Variants in KIF17 observed in about 807,000 individuals in gnomAD.
KIF17 encodes kinesin family member 17, also known as kinesin-like protein KIF17.
A neutral mutation model predicts 96.8 loss-of-function variants in KIF17; 80 were observed. That is an observed-to-expected ratio of 0.83 (90% CI 0.69 to 1.00). The LOEUF is 1.00. Among genes scored for constraint, KIF17 ranks in the 50% least tolerant of loss-of-function variants. The pLI is 0.00. For missense variants in KIF17, 1,280 were observed against 1,372.9 expected (o/e 0.93, Z 1.07); for synonymous variants, 567 against 587.5 (o/e 0.97, Z 0.51).
chr1:20,688,040 G>T (rs1230048061), intron 7 of KIF17, 96 bp from the exon 8 acceptor site: 35 of 1,076,428 alleles, frequency 3.3e-5, no homozygotes, highest in African/African-American at 6.4e-5. Flanking sequence ...TGTTTTTTTT[G>T]TTTGTTTTTT....
At chr1:20,686,394 A>G (rs906488835) in intron 8 of KIF17, 1 of 548,212 alleles carries the variant, frequency 1.8e-6, no homozygotes, top group African/African-American at 1.9e-5. Context: ...AAGCAACCTC[A>G]TTTTACAGAT....
chr1:20,670,383 A>G, intron 13 of KIF17, 38 bp downstream of exon 13: 1 of 1,585,680 alleles, frequency 6.3e-7, no homozygotes, highest in Non-Finnish European at 8.6e-7. Context: ...AAGCCCTCCC[A>G]GCCCCCGACA....
In KIF17 at chr1:20,704,872, G is replaced by A. The variant is rs781470496; in HGVS notation, c.698C>T (p.Ala233Val). The change falls in exon 5 of 15, where the codon GCG becomes GTG. Residue 233 changes from alanine (A) to valine (V), a missense_variant. Ala to Val is a moderately conservative substitution (Grantham distance 64, BLOSUM62 0). Transcript: ENST00000400463. This position sits in a 1 kb window ranked among gnomAD's most constrained non-coding sequence, Gnocchi z 6.8. ...VDERGKDHLR[A>V]GKLNLVDLAG... ...CAGGTCCACCAGGTTCAGCTTGCCC[G>A]CCCGGAGGTGGTCCTTGCCCCGCTC... is the stretch of plus-strand genomic sequence containing the variant. The A allele has an allele frequency of 2.2e-5, 35 of 1,601,388 alleles. No homozygotes were observed. The highest frequency in any genetic ancestry group is 1.0e-4 in the Admixed American group (6 of 59,990).
At chr1:20,669,899 A>C (rs563732022) in intron 13 of KIF17, among the ~76,000 whole-genome samples, 1,573 of 141,874 alleles carry the variant, frequency 0.011, 16 homozygotes, top group African/African-American at 0.034. Context: ...AAAAAAAAAA[A>C]AAAAACAACC....
chr1:20,685,265 G>C lies in KIF17; in HGVS notation c.2020-245C>G. The C allele has an allele frequency of 1.5e-6, 1 of 672,732 alleles. No individual in the cohort carries two copies. Among genetic ancestry groups the C allele is most frequent in the South Asian group, 1.5e-5 (1 of 66,506 alleles). The allele number at this position is 672,732 out of a possible 1,614,324, so 41.7% of individuals were successfully genotyped here. On this transcript the variant is annotated intron_variant, in intron 9 of 14. Transcript: ENST00000400463. The surrounding 1 kb of genome is among the most constrained non-coding windows in gnomAD (Gnocchi z 4.1). ...TTCCTCTCTCACCTCCCACAATCCAGTCTCCACAGGCAGCCAGGGCCATCT... is the reference window on the plus strand; with the variant it reads ...TTCCTCTCTCACCTCCCACAATCCACTCTCCACAGGCAGCCAGGGCCATCT...
At chr1:20,671,677 C>T (rs1474610036) in intron 12 of KIF17, among the ~76,000 whole-genome samples, 2 of 152,188 alleles carry the variant, frequency 1.3e-5, no homozygotes, top group African/African-American at 4.8e-5. Context: ...AAGAAAGGTG[C>T]TGTTATTCAT....
In KIF17 at chr1:20,704,371, G is replaced by C; in HGVS notation, c.1123+76C>G. ...CCACTGTCTTTTAGGTGGGAAGTTG[G>C]AGGCGAGAAGACAGAGGGAAGGAAG... On this transcript the variant is annotated intron_variant, in intron 5 of 14. Coordinates refer to ENST00000400463, the MANE Select transcript of KIF17 (RefSeq NM_001122819.3). This position sits in a 1 kb window ranked among gnomAD's most constrained non-coding sequence, Gnocchi z 6.8. 2.5e-6 allele frequency: 3 copies of C among 1,207,442 alleles called. No homozygotes were observed. In the Admixed American group the frequency reaches 5.9e-5, roughly 24 times the overall value. 74.8% of individuals were successfully genotyped at this position (1,207,442 alleles called of 1,614,324 possible). A position where few individuals can be genotyped will look rare whatever the true frequency, so the allele number is the denominator to read the frequency against.
chr1:20,671,505 A>ATT (rs759071973), intron 12 of KIF17, among the ~76,000 whole-genome samples: 2 of 141,356 alleles, frequency 1.4e-5, no homozygotes, highest in Non-Finnish European at 1.6e-5. Flanking sequence ...TAATTTTTCT[A>ATT]TTTTTTTTTT....
Position 20,713,530 on chromosome 1 carries a change from A to C in KIF17, c.404T>G (p.Val135Gly). The change falls in exon 3 of 15, where the codon GTC (valine) becomes GGC (glycine). Residue 135 changes from valine to glycine, a missense_variant. Val to Gly is a moderately radical substitution (Grantham distance 109). Coordinates refer to ENST00000400463, the MANE Select transcript of KIF17 (RefSeq NM_001122819.3). ...GTAGATCTCCAGGTAGGAGGCCCGG[A>C]CCAGGAACTTAGTGTTCTCTGCACA... Reference protein sequence around the residue: ...VQCAENTKFLVRASYLEIYNE... With the variant: ...VQCAENTKFLGRASYLEIYNE... The C allele has an allele frequency of 6.2e-7, 1 of 1,611,784 alleles. No homozygotes were observed. The highest frequency in any genetic ancestry group is 8.5e-7 in the Non-Finnish European group (1 of 1,179,344).
chr1:20,698,310 A>G (rs2054177456), intron 6 of KIF17, 69 bp downstream of exon 6: 2 of 1,085,728 alleles, frequency 1.8e-6, no homozygotes, highest in East Asian at 4.7e-5. Flanking sequence ...CCCCAGCGGC[A>G]GCCCTGCCCT....
chr1:20,703,899 C>G (rs1233000215), intron 5 of KIF17, among the ~76,000 whole-genome samples: 1 of 151,550 alleles, frequency 6.6e-6, no homozygotes, highest in African/African-American at 2.4e-5. Context: ...CCACTGCCCT[C>G]CAGCCTGGGC....
In KIF17 at chr1:20,686,048, G is replaced by A; in HGVS notation, c.2017C>T (p.Pro673Ser). The change falls in exon 9 of 15, where the codon CCT becomes TCT. Residue 673 changes from proline (P) to serine (S), a missense_variant and splice_region_variant. Physicochemically the swap from Pro to Ser is moderately conservative, Grantham distance 74 (BLOSUM62 -1). Coordinates refer to ENST00000400463, the MANE Select transcript of KIF17 (RefSeq NM_001122819.3). ...TGGAGGCCCGGGGAGGTACTCACAG[G>A]CCTGGGCGGGAAGTCATCAGCCGCC... ...AEAADDFPPR[P>S]EVDLASEVAL... is the part of the protein sequence containing the mutation. 6.4e-7 allele frequency: 1 copy of A among 1,555,026 alleles called. No individual in the cohort carries two copies. The highest frequency in any genetic ancestry group is 8.7e-7 in the Non-Finnish European group (1 of 1,148,678).
In KIF17 at chr1:20,687,374, G is replaced by A. The variant is rs376321313; in HGVS notation, c.1938+14C>T. ...GCTCAGTGTTCACATGGCACCATGC[G>A]TGACATCAGCTACCTGCACAGGGAC... On this transcript the variant is annotated intron_variant, in intron 8 of 14. Coordinates refer to ENST00000400463, the MANE Select transcript of KIF17 (RefSeq NM_001122819.3). This position sits in a 1 kb window ranked among gnomAD's most constrained non-coding sequence, Gnocchi z 4.4. 114 of 1,612,364 alleles carry A rather than the reference G, an allele frequency of 7.1e-5. No individual in the cohort carries two copies. In the African/African-American group the frequency reaches 8.1e-4, roughly 12 times the overall value.
At chr1:20,680,380 C>T (rs538455272) in intron 11 of KIF17, among the ~76,000 whole-genome samples, 26 of 152,218 alleles carry the variant, frequency 1.7e-4, no homozygotes, top group African/African-American at 2.2e-4. Context: ...AAATTCTCCC[C>T]GAAAGCACAA....
At chr1:20,670,292 G>T in intron 13 of KIF17, 129 bp downstream of exon 13, 4 of 885,440 alleles carry the variant, frequency 4.5e-6, no homozygotes, top group Non-Finnish European at 7.4e-6. Flanking sequence ...ATCCAGCCTT[G>T]GCCCCTTCTT....
At chr1:20,713,939 C>T (rs1409766956) in intron 2 of KIF17, among the ~76,000 whole-genome samples, 1 of 152,146 alleles carries the variant, frequency 6.6e-6, no homozygotes, top group Non-Finnish European at 1.5e-5. Context: ...GTAATCCCAG[C>T]ACTTTCGGAG....
At chr1:20,696,986 G>A (rs1397551849) in intron 6 of KIF17, among the ~76,000 whole-genome samples, 1 of 152,228 alleles carries the variant, frequency 6.6e-6, no homozygotes, top group Non-Finnish European at 1.5e-5. Flanking sequence ...TGCAGGGGCG[G>A]ACGGCGTTCA....
At chr1:20,670,882 G>A (rs1015308943) in intron 12 of KIF17, among the ~76,000 whole-genome samples, 4 of 152,192 alleles carry the variant, frequency 2.6e-5, no homozygotes, top group Admixed American at 1.3e-4. Flanking sequence ...GGGGCACTGC[G>A]GGCTCCCCAA....
chr1:20,712,620 TAGATAA>T lies in KIF17; in HGVS notation c.480+828_480+833del, dbSNP rs1557606412. Among the ~76,000 whole-genome samples, 106 of 29,254 alleles carry T rather than the reference TAGATAA, an allele frequency of 3.6e-3. 23 individuals are homozygous for T. The highest frequency in any genetic ancestry group is 6.1e-3 in the Non-Finnish European group (63 of 10,356). 19.2% of individuals were successfully genotyped at this position (29,254 alleles called of 152,430 possible). A position where few individuals can be genotyped will look rare whatever the true frequency, so the allele number is the denominator to read the frequency against. Reference sequence around the variant, plus strand: ...TATATATATCTATATATATATAATATAGATAATATCTATATATATAATATAGATAAT... The same window carrying T: ...TATATATATCTATATATATATAATATTATCTATATATATAATATAGATAAT... On this transcript the variant is annotated intron_variant, in intron 3 of 14. Coordinates refer to ENST00000400463, the MANE Select transcript of KIF17 (RefSeq NM_001122819.3).
Sources: allele counts gnomAD v4.1 joint callset (sites outside exome capture counted in the v4.1 genomes callset), GRCh38; gene constraint gnomAD v4.1.1; non-coding constraint Gnocchi (gnomAD v3.1); transcripts MANE v1.5; gene names NCBI Gene and HGNC (gene_info 2026-07-23, HGNC 2026-07-21).